Variants in SCAMP1 observed in about 807,000 individuals in gnomAD.
SCAMP1 encodes the protein secretory carrier-associated membrane protein 1.
A neutral mutation model predicts 41.8 loss-of-function variants in SCAMP1; 15 were observed. The observed-to-expected ratio is 0.36, with a 90% CI of 0.24 to 0.55. The LOEUF (loss-of-function observed/expected upper bound fraction) is 0.55, where lower values mean the gene tolerates loss of function less well. Among genes scored for constraint, SCAMP1 ranks in the 20% least tolerant of loss-of-function variants. The probability of loss-of-function intolerance (pLI) is 0.86; values close to 1 mark genes in which losing one functional copy is unlikely to be tolerated. For missense variants in SCAMP1, 341 were observed against 412.6 expected (o/e 0.83, Z 1.50); for synonymous variants, 135 against 136.8 (o/e 0.99, Z 0.09).
chr5:78,410,687 G>A (rs1012763985), intron 2 of SCAMP1, among the ~76,000 whole-genome samples: 1 of 152,112 alleles, frequency 6.6e-6, no homozygotes, highest in Non-Finnish European at 1.5e-5. Context: ...GGGTCAAATC[G>A]TATTTCTGCC....
intron 1 of SCAMP1, chr5:78,370,843 A>G (rs1204184611): frequency 6.6e-5 from 10 of 152,020 alleles, no homozygotes; most frequent in Non-Finnish European, 1.2e-4. Flanking sequence ...AACACTTGCT[A>G]TTACCTGTTT....
intron 2 of SCAMP1, among the ~76,000 whole-genome samples, chr5:78,397,485 TCAAAA>T (rs2112102735): frequency 6.6e-6 from 1 of 152,262 alleles, no homozygotes; most frequent in Non-Finnish European, 1.5e-5. Context: ...AATTTGGACA[TCAAAA>T]TTTAAAACTT....
At chr5:78,431,205 G>T (rs1752612171) in intron 6 of SCAMP1, among the ~76,000 whole-genome samples, 1 of 151,218 alleles carries the variant, frequency 6.6e-6, no homozygotes, top group African/African-American at 2.4e-5. Context: ...GCATGCACTT[G>T]AAAGAATATA....
intron 1 of SCAMP1, among the ~76,000 whole-genome samples, chr5:78,373,151 T>G (rs1335376886): frequency 6.6e-6 from 1 of 152,156 alleles, no homozygotes; most frequent in Non-Finnish European, 1.5e-5. Context: ...TTACTCCTTC[T>G]TCTTATCTCC....
chr5:78,450,271 A>G (rs1366669043), intron 7 of SCAMP1, among the ~76,000 whole-genome samples: 2 of 152,190 alleles, frequency 1.3e-5, no homozygotes, highest in African/African-American at 2.4e-5. Flanking sequence ...TAAATAAAAC[A>G]TGTATGTAAG....
At chr5:78,433,894 C>T (rs1188313878) in intron 6 of SCAMP1, among the ~76,000 whole-genome samples, 5 of 152,170 alleles carry the variant, frequency 3.3e-5, no homozygotes, top group Non-Finnish European at 4.4e-5. Context: ...TCTAAGGTCT[C>T]TGTAATAGAT....
At chr5:78,364,800 C>T (rs774932437) in intron 1 of SCAMP1, among the ~76,000 whole-genome samples, 1 of 147,002 alleles carries the variant, frequency 6.8e-6, no homozygotes, top group Non-Finnish European at 1.5e-5. Flanking sequence ...GTTTACTCAT[C>T]GCGTGTTCTC....
At position 78,422,714 on chromosome 5, in the gene SCAMP1, T is replaced by C. The variant is rs543848215; in HGVS notation, c.632+754T>C. On this transcript the variant is annotated intron_variant, in intron 6 of 8. Transcript: ENST00000621999. ...GACTTGACCATGCAACCATTATTTT[T>C]CTGTGGAGTACTTTGTTGGACTATT... Among the ~76,000 whole-genome samples the C allele has an allele frequency of 2.0e-5, 3 of 152,320 alleles. No individual in the cohort carries two copies. The South Asian group carries it at 6.2e-4, about 32-fold the overall frequency.
At chr5:78,443,884 T>C (rs1023147304) in intron 6 of SCAMP1, among the ~76,000 whole-genome samples, 1 of 152,042 alleles carries the variant, frequency 6.6e-6, no homozygotes, top group African/African-American at 2.4e-5. Context: ...CTTGAACTCC[T>C]GAGCTCAAGC....
intron 1 of SCAMP1, among the ~76,000 whole-genome samples, chr5:78,367,390 C>G (rs1750824570): frequency 6.6e-6 from 1 of 152,084 alleles, no homozygotes; most frequent in South Asian, 2.1e-4. Flanking sequence ...ACTAAAGTGG[C>G]TTCAGTCACC....
intron 8 of SCAMP1, among the ~76,000 whole-genome samples, chr5:78,462,147 A>T (rs1753632427): frequency 6.6e-6 from 1 of 151,240 alleles, no homozygotes; most frequent in African/African-American, 2.4e-5. Flanking sequence ...AATTCTTCTT[A>T]TGGAGTTCTT....
intron 2 of SCAMP1, among the ~76,000 whole-genome samples, chr5:78,391,048 A>G (rs1402916041): frequency 2.0e-5 from 3 of 152,000 alleles, no homozygotes; most frequent in Non-Finnish European, 4.4e-5. Flanking sequence ...TCCCATGTCT[A>G]CTTCTTTCTA....
intron 1 of SCAMP1, among the ~76,000 whole-genome samples, chr5:78,373,448 G>A (rs1750992995): frequency 6.6e-6 from 1 of 151,908 alleles, no homozygotes; most frequent in African/African-American, 2.4e-5. Context: ...AGCATCCCTA[G>A]CTGTAGGAAA....
intron 1 of SCAMP1, 59 bp from the exon 2 acceptor site, chr5:78,388,778 T>A: frequency 1.1e-6 from 1 of 907,186 alleles, no homozygotes; most frequent in East Asian, 2.7e-5. Context: ...TATGTAAATA[T>A]CAAAATTATT....
chr5:78,402,789 T>C (rs1751831486), intron 2 of SCAMP1, among the ~76,000 whole-genome samples: 1 of 152,184 alleles, frequency 6.6e-6, no homozygotes, highest in African/African-American at 2.4e-5. Context: ...AAAGTGATTA[T>C]TGATTTAGTT....
chr5:78,445,631 A>G (rs755145374), intron 6 of SCAMP1, among the ~76,000 whole-genome samples: 14 of 151,580 alleles, frequency 9.2e-5, no homozygotes, highest in Non-Finnish European at 1.5e-4. Context: ...TCTTCCCCTG[A>G]TGATGTATTT....
chr5:78,446,958 G>A (rs1753066409), intron 6 of SCAMP1, among the ~76,000 whole-genome samples: 2 of 152,200 alleles, frequency 1.3e-5, no homozygotes, highest in African/African-American at 2.4e-5. Flanking sequence ...TTAGAAACTG[G>A]GCCACACAGC....
At chr5:78,405,721 G>T (rs911113920) in intron 2 of SCAMP1, among the ~76,000 whole-genome samples, 6 of 152,092 alleles carry the variant, frequency 3.9e-5, no homozygotes, top group Admixed American at 1.3e-4. Flanking sequence ...TATGTTTGTG[G>T]CCCATTGTAG....
chr5:78,407,742 T>A (rs940435372), intron 2 of SCAMP1, among the ~76,000 whole-genome samples: 4 of 152,120 alleles, frequency 2.6e-5, no homozygotes, highest in African/African-American at 9.7e-5. Flanking sequence ...GTCATTAGAT[T>A]CACTTCCATT....
Sources: allele counts gnomAD v4.1 joint callset (sites outside exome capture counted in the v4.1 genomes callset), GRCh38; gene constraint gnomAD v4.1.1; transcripts MANE v1.5; gene names NCBI Gene and HGNC (gene_info 2026-07-23, HGNC 2026-07-21).